Variants in PHEX observed in about 807,000 individuals in gnomAD.
PHEX encodes phosphate regulating endopeptidase X-linked.
Under a neutral mutation model 68.0 loss-of-function variants are expected in PHEX, and 16 were observed. That is an observed-to-expected ratio of 0.24 (90% confidence interval 0.16 to 0.36). PHEX has a LOEUF of 0.36. Among genes scored for constraint, PHEX ranks in the 10% least tolerant of loss-of-function variants. The pLI is 1.00. For missense variants in PHEX, 480 were observed against 575.5 expected, an observed-to-expected ratio of 0.83 and a Z score of 1.70; for synonymous variants, 208 against 205.1, an observed-to-expected ratio of 1.01 and a Z score of -0.12.
intron 12 of PHEX, among the ~76,000 whole-genome samples, chrX:22,164,255 C>T (rs892155397): frequency 1.8e-5 from 2 of 111,375 alleles, no homozygotes; most frequent in African/African-American, 3.3e-5. Flanking sequence ...GAATTGACAA[C>T]GAAGTCTGTG....
intron 1 of PHEX, among the ~76,000 whole-genome samples, chrX:22,033,517 T>C (rs1159060670): frequency 8.9e-6 from 1 of 112,416 alleles, no homozygotes; most frequent in Admixed American, 9.5e-5. Context: ...CTGGAGTGTC[T>C]TTCCATTTGA....
chrX:22,051,442 A>C (rs1382532632), intron 3 of PHEX, among the ~76,000 whole-genome samples: 1 of 111,499 alleles, frequency 9.0e-6, no homozygotes, highest in East Asian at 2.8e-4. Context: ...GAGGCAGGAG[A>C]ATCGCTTGAA....
intron 15 of PHEX, among the ~76,000 whole-genome samples, chrX:22,192,316 T>C (rs1160288965): frequency 8.9e-6 from 1 of 111,757 alleles, no homozygotes. Flanking sequence ...ATCTCCCACC[T>C]GGATTATGGT....
At chrX:22,036,703 T>C (rs1213464336) in intron 1 of PHEX, among the ~76,000 whole-genome samples, 1 of 108,609 alleles carries the variant, frequency 9.2e-6, no homozygotes, top group African/African-American at 3.4e-5. Flanking sequence ...CTAATCTTTA[T>C]GCTGCCCATA....
At chrX:22,216,033 C>T (rs2285073) in intron 16 of PHEX, among the ~76,000 whole-genome samples, 39,620 of 110,207 alleles carry the variant, frequency 0.36, 8,296 homozygotes, top group African/African-American at 0.8. Flanking sequence ...AGAGCTATTA[C>T]GTTTAGACCC....
At position 22,038,553 on chromosome X, in the gene PHEX, C is replaced by T; in HGVS notation, c.187+16C>T. On this transcript the variant is annotated intron_variant, in intron 2 of 21. Coordinates refer to ENST00000379374, the MANE Select transcript of PHEX (RefSeq NM_000444.6). ...ATCGAAGCGGGTAAGTCACAGTTTT[C>T]CATCCTGTGTCAAGTTATAATTATG... 9.2e-7 allele frequency: 1 copy of T among 1,083,183 alleles called. No individual in the cohort carries two copies. The highest frequency in any genetic ancestry group is 1.3e-6 in the Non-Finnish European group (1 of 778,530). 89.3% of individuals were successfully genotyped at this position (1,083,183 alleles called of 1,213,427 possible). A position where few individuals can be genotyped will look rare whatever the true frequency, so the allele number is the denominator to read the frequency against.
chrX:22,201,076 T>C (rs1325791803), intron 15 of PHEX, among the ~76,000 whole-genome samples: 1 of 112,114 alleles, frequency 8.9e-6, no homozygotes, highest in Non-Finnish European at 1.9e-5. Context: ...ATTTTAAAAG[T>C]TTTGTTAAGT....
chrX:22,223,765 G>A (rs1030570773), intron 18 of PHEX, among the ~76,000 whole-genome samples: 1 of 112,476 alleles, frequency 8.9e-6, no homozygotes, highest in African/African-American at 3.2e-5. Flanking sequence ...GAAACCCTCA[G>A]AGTAAAAAGG....
chrX:22,048,664 A>G (rs1049744361), intron 3 of PHEX, among the ~76,000 whole-genome samples: 7 of 112,216 alleles, frequency 6.2e-5, no homozygotes, highest in Non-Finnish European at 1.1e-4. Context: ...GAATTTTAAC[A>G]TAAAAGTTAA....
intron 5 of PHEX, among the ~76,000 whole-genome samples, chrX:22,082,197 C>A (rs1312518376): frequency 1.8e-5 from 2 of 111,961 alleles, no homozygotes; most frequent in African/African-American, 6.5e-5. Context: ...TTCATATAAT[C>A]AAATCATGGT....
At chrX:22,211,009 C>A (rs1281656987) in intron 15 of PHEX, among the ~76,000 whole-genome samples, 1 of 111,180 alleles carries the variant, frequency 9.0e-6, no homozygotes, top group East Asian at 2.8e-4. Flanking sequence ...CTTTCAGTCT[C>A]ATGGGGCCTG....
At chrX:22,222,657 C>A (rs1460889780) in intron 18 of PHEX, among the ~76,000 whole-genome samples, 1 of 111,774 alleles carries the variant, frequency 8.9e-6, no homozygotes, top group Non-Finnish European at 1.9e-5. Context: ...GGGTTAAAAA[C>A]CCCCCAAAAA....
chrX:22,050,916 T>C (rs1927801164), intron 3 of PHEX, among the ~76,000 whole-genome samples: 1 of 112,234 alleles, frequency 8.9e-6, no homozygotes, highest in Admixed American at 9.6e-5. Context: ...ATTACCAGAA[T>C]TGAAGAAGCT....
intron 3 of PHEX, among the ~76,000 whole-genome samples, chrX:22,050,439 C>T (rs773646149): frequency 5.5e-4 from 60 of 109,751 alleles, no homozygotes; most frequent in Non-Finnish European, 6.3e-4. Context: ...AAATTAGCCA[C>T]GCATGGTGGA....
At chrX:22,183,543 A>G (rs1452243904) in intron 14 of PHEX, among the ~76,000 whole-genome samples, 1 of 111,692 alleles carries the variant, frequency 9.0e-6, no homozygotes, top group Non-Finnish European at 1.9e-5. Flanking sequence ...TTTCATTCCC[A>G]GTCTAAATTA....
At chrX:22,207,374 A>G (rs1934744666) in intron 15 of PHEX, among the ~76,000 whole-genome samples, 1 of 112,228 alleles carries the variant, frequency 8.9e-6, no homozygotes, top group African/African-American at 3.2e-5. Context: ...ATAATACTAT[A>G]TAAGCTTAGT....
At chrX:22,085,574 CAAA>C (rs61594590) in intron 5 of PHEX, among the ~76,000 whole-genome samples, 1 of 52,788 alleles carries the variant, frequency 1.9e-5, no homozygotes, top group Admixed American at 2.5e-4. Context: ...GACTCCATCT[CAAA>C]AAAAAAAAAA....
chrX:22,175,349 T>G (rs1240019543), intron 13 of PHEX, among the ~76,000 whole-genome samples: 1 of 84,154 alleles, frequency 1.2e-5, no homozygotes, highest in African/African-American at 4.0e-5. Flanking sequence ...CTTTACAACG[T>G]TTTTTTTTTT....
chrX:22,035,787 A>G (rs1004099709), intron 1 of PHEX, among the ~76,000 whole-genome samples: 25 of 110,389 alleles, frequency 2.3e-4, no homozygotes, highest in Non-Finnish European at 3.4e-4. Flanking sequence ...ATTTACATGT[A>G]TTTTTTAAAG....
Sources: gnomAD v4.1 joint callset for allele counts (sites outside exome capture counted in the v4.1 genomes callset) on GRCh38, gnomAD v4.1.1 for gene constraint, MANE v1.5 for transcripts, NCBI Gene and HGNC (gene_info 2026-07-23, HGNC 2026-07-21) for gene names.